MGST1: variants seen among roughly 807,000 people sequenced by gnomAD.
MGST1 encodes microsomal glutathione S-transferase 1, also known as glutathione S-transferase 12.
A neutral mutation model predicts 8.9 loss-of-function variants in MGST1; 5 were observed. That is an observed-to-expected ratio of 0.56 (90% confidence interval 0.29 to 1.19). The LOEUF is 1.19. Among genes scored for constraint, MGST1 ranks in the 50% most tolerant of loss-of-function variants. MGST1 has a pLI of 0.08. For synonymous variants in MGST1, 54 were observed against 67.8 expected (o/e 0.80, Z 1.00); for missense variants, 182 against 187.4 (o/e 0.97, Z 0.17).
chr12:16,406,893 CA>C (rs767267585), intron 1 of MGST1, among the ~76,000 whole-genome samples: 4 of 152,166 alleles, frequency 2.6e-5, no homozygotes, highest in Non-Finnish European at 5.9e-5. Flanking sequence ...ACATCGCATA[CA>C]AACATCGACT....
chr12:16,364,588 T>A (rs984699290), downstream of MGST1, among the ~76,000 whole-genome samples: 1 of 152,118 alleles, frequency 6.6e-6, no homozygotes, highest in African/African-American at 2.4e-5. The surrounding 1 kb of genome is among the most constrained non-coding windows in gnomAD (Gnocchi z 5.7). Flanking sequence ...CATCTGAGAG[T>A]AAGTGGCAGA....
At chr12:16,392,860 T>G (rs2137053867) in intron 1 of MGST1, among the ~76,000 whole-genome samples, 1 of 152,294 alleles carries the variant, frequency 6.6e-6, no homozygotes, top group East Asian at 1.9e-4. Flanking sequence ...TATAACTGTC[T>G]ATATCTATTA....
At chr12:16,453,611 G>A (rs1041916673) in intron 4 of MGST1, among the ~76,000 whole-genome samples, 2 of 151,888 alleles carry the variant, frequency 1.3e-5, no homozygotes, top group African/African-American at 2.4e-5. Flanking sequence ...AACTCTGAAA[G>A]TTCTGGAAGA....
At chr12:16,364,557 C>T (rs4149207), downstream of MGST1, 68,160 of 249,870 alleles carry the variant, frequency 0.27, 10,170 homozygotes, top group Non-Finnish European at 0.29. The surrounding 1 kb of genome is among the most constrained non-coding windows in gnomAD (Gnocchi z 5.7). Flanking sequence ...CCTTCTCTCT[C>T]TGTTTTCTTT....
chr12:16,407,957 G>T (rs981936445), intron 1 of MGST1, among the ~76,000 whole-genome samples: 5 of 149,860 alleles, frequency 3.3e-5, no homozygotes, highest in African/African-American at 1.2e-4. Context: ...GCTTGAACTC[G>T]GGAGGTGGAG....
chr12:16,385,064 A>G (rs1320485738), intron 1 of MGST1, among the ~76,000 whole-genome samples: 1 of 152,166 alleles, frequency 6.6e-6, no homozygotes, highest in East Asian at 1.9e-4. Context: ...CAGCCCATGG[A>G]TTTCACCCAC....
At chr12:16,431,922 A>C (rs764857585) in intron 1 of MGST1, among the ~76,000 whole-genome samples, 1 of 152,218 alleles carries the variant, frequency 6.6e-6, no homozygotes, top group Non-Finnish European at 1.5e-5. Flanking sequence ...TTCAACCATC[A>C]TATTTTTTCC....
At chr12:16,541,812 A>C (rs1387251676) in intron 4 of MGST1, among the ~76,000 whole-genome samples, 1 of 152,196 alleles carries the variant, frequency 6.6e-6, no homozygotes, top group Non-Finnish European at 1.5e-5. Context: ...TAAGAATATC[A>C]GAATACAATG....
At position 16,482,037 on chromosome 12, in the gene MGST1, A is replaced by G. The variant is rs1297197125; in HGVS notation, n.482+98433A>G. On this transcript the variant is annotated intron_variant and non_coding_transcript_variant, in intron 4 of 4. Transcript: ENST00000538857. The surrounding 1 kb of genome is among the most constrained non-coding windows in gnomAD (Gnocchi z 4.2). Reference sequence around the variant, plus strand: ...GAAAGGAATAATAAGCAGATTGACAATGTAAGCTAAGGCATATAAAATAAT... The same window carrying G: ...GAAAGGAATAATAAGCAGATTGACAGTGTAAGCTAAGGCATATAAAATAAT... 6.6e-6 allele frequency among the ~76,000 whole-genome samples: 1 copy of G among 152,238 alleles called. No individual in the cohort carries two copies. The highest frequency in any genetic ancestry group is 2.4e-5 in the African/African-American group (1 of 41,466).
At chr12:16,443,276 A>C (rs914592020), downstream of MGST1, among the ~76,000 whole-genome samples, 2 of 151,784 alleles carry the variant, frequency 1.3e-5, no homozygotes, top group African/African-American at 4.8e-5. Context: ...ATAACATATA[A>C]TTTGACCTTT....
intron 4 of MGST1, among the ~76,000 whole-genome samples, chr12:16,553,243 G>A (rs1160748857): frequency 6.6e-6 from 1 of 152,076 alleles, no homozygotes; most frequent in Non-Finnish European, 1.5e-5. Flanking sequence ...CCAAGATTCT[G>A]TAGTTAAAAC....
intron 4 of MGST1, among the ~76,000 whole-genome samples, chr12:16,527,051 T>C (rs1245984468): frequency 6.6e-6 from 1 of 152,004 alleles, no homozygotes; most frequent in Non-Finnish European, 1.5e-5. Context: ...CACTTAGCTC[T>C]AGGTTACAGA....
intron 4 of MGST1, among the ~76,000 whole-genome samples, chr12:16,575,362 T>C (rs1942962313): frequency 6.6e-6 from 1 of 152,228 alleles, no homozygotes; most frequent in Admixed American, 6.5e-5. Flanking sequence ...TCCTCTCTGA[T>C]AATGATACCT....
chr12:16,371,128 T>G (rs1282606712), intron 3 of MGST1, among the ~76,000 whole-genome samples: 1 of 152,128 alleles, frequency 6.6e-6, no homozygotes, highest in Non-Finnish European at 1.5e-5. Flanking sequence ...AATAGACCAG[T>G]AACTTGTGCT....
chr12:16,470,671 A>C (rs73318784), intron 4 of MGST1, among the ~76,000 whole-genome samples: 2,810 of 152,302 alleles, frequency 0.018, 99 homozygotes, highest in African/African-American at 0.064. Context: ...TGAAGAGCTA[A>C]TTGAATCATT....
intron 3 of MGST1, among the ~76,000 whole-genome samples, chr12:16,374,827 A>G (rs1940354395): frequency 6.6e-6 from 1 of 152,172 alleles, no homozygotes; most frequent in Non-Finnish European, 1.5e-5. Context: ...TTTAGGATAT[A>G]TATATACTCT....
At chr12:16,395,032 G>A (rs1326290609) in intron 1 of MGST1, among the ~76,000 whole-genome samples, 1 of 151,422 alleles carries the variant, frequency 6.6e-6, no homozygotes, top group Non-Finnish European at 1.5e-5. Context: ...TTTTTGATAA[G>A]GTTTTCATTT....
intron 4 of MGST1, among the ~76,000 whole-genome samples, chr12:16,475,285 GAGTA>G (rs1220135332): frequency 6.6e-6 from 1 of 152,086 alleles, no homozygotes; most frequent in Non-Finnish European, 1.5e-5. Context: ...TGAAAAGAAA[GAGTA>G]AGAGAATCAA....
intron 4 of MGST1, among the ~76,000 whole-genome samples, chr12:16,451,749 T>A (rs1329884404): frequency 6.6e-6 from 1 of 151,918 alleles, no homozygotes; most frequent in Non-Finnish European, 1.5e-5. Context: ...CAATGATTCA[T>A]GTAATATTAT....
Sources: allele counts gnomAD v4.1 joint callset (sites outside exome capture counted in the v4.1 genomes callset), GRCh38; gene constraint gnomAD v4.1.1; non-coding constraint Gnocchi (gnomAD v3.1); transcripts MANE v1.5; gene names NCBI Gene and HGNC (gene_info 2026-07-23, HGNC 2026-07-21).